Variants in TCEA1 observed in about 807,000 individuals in gnomAD.
The protein encoded by TCEA1 is transcription elongation factor A1.
TCEA1 carries 21 observed loss-of-function variants against 43.8 expected under a neutral mutation model. The ratio of observed to expected loss-of-function variants is 0.48; its 90% CI spans 0.34 to 0.69. The LOEUF is 0.69. Among genes scored for constraint, TCEA1 ranks in the 30% least tolerant of loss-of-function variants. The probability of loss-of-function intolerance (pLI) is 0.01; values close to 1 mark genes in which losing one functional copy is unlikely to be tolerated. For synonymous variants in TCEA1, 104 were observed against 117.5 expected (o/e 0.88, Z 0.75); for missense variants, 250 against 365.1 (o/e 0.68, Z 2.57).
chr8:53,968,099 C>T lies in TCEA1; in HGVS notation c.*5G>A, dbSNP rs934471394. 3 of 1,526,082 alleles carry T rather than the reference C, an allele frequency of 2.0e-6. No individual in the cohort carries two copies. The Admixed American group carries it at 5.9e-5, about 30-fold the overall frequency. 94.5% of individuals were successfully genotyped at this position (1,526,082 alleles called of 1,614,324 possible). A position where few individuals can be genotyped will look rare whatever the true frequency, so the allele number is the denominator to read the frequency against. On this transcript the variant is annotated 3_prime_UTR_variant, in exon 10 of 10. Coordinates refer to ENST00000521604, the MANE Select transcript of TCEA1 (RefSeq NM_006756.4). The stretch of plus-strand genomic sequence containing the variant: ...TGGTCCAGATATTTTGCCAATTCTT[C>T]CAACTCAACAGAACTGTCAAAAAAG...
intron 4 of TCEA1, among the ~76,000 whole-genome samples, chr8:53,989,304 TC>T (rs1335832638): frequency 6.6e-6 from 1 of 152,206 alleles, no homozygotes; most frequent in African/African-American, 2.4e-5. Context: ...TAAAATGGGT[TC>T]TTTCCAAAAT....
chr8:53,973,255 T>C (rs1171307413), intron 8 of TCEA1: 11 of 479,536 alleles, frequency 2.3e-5, no homozygotes, highest in Non-Finnish European at 3.9e-5. Context: ...AAGAAAATGA[T>C]ATGGAAATGG....
chr8:53,989,991 T>C (rs1243952352), intron 4 of TCEA1, among the ~76,000 whole-genome samples: 1 of 151,754 alleles, frequency 6.6e-6, no homozygotes, highest in African/African-American at 2.4e-5. Context: ...ATCCCAGGAG[T>C]TCAAGAACAG....
chr8:53,972,593 T>G (rs1803191222), intron 8 of TCEA1: 1 of 566,256 alleles, frequency 1.8e-6, no homozygotes, highest in African/African-American at 1.9e-5. Context: ...AAGGAGGTGT[T>G]ATATTTCCTG....
At chr8:54,007,775 G>C (rs1804521458) in intron 2 of TCEA1, among the ~76,000 whole-genome samples, 1 of 152,014 alleles carries the variant, frequency 6.6e-6, no homozygotes, top group Non-Finnish European at 1.5e-5. Flanking sequence ...ATCAAAGAAA[G>C]CACTTGTGGA....
chr8:53,995,942 T>C (rs942831594), intron 3 of TCEA1, among the ~76,000 whole-genome samples: 2 of 152,350 alleles, frequency 1.3e-5, no homozygotes, highest in Admixed American at 6.5e-5. Context: ...TGCTCCTTGT[T>C]ATTCTCAATA....
chr8:54,010,542 G>C, intron 1 of TCEA1, 50 bp from the exon 2 acceptor site: 1 of 1,433,090 alleles, frequency 7.0e-7, no homozygotes. Flanking sequence ...GTAAAACAGG[G>C]ACTAGCCAGA....
At chr8:53,986,500 A>T (rs1439573045) in intron 6 of TCEA1, among the ~76,000 whole-genome samples, 1 of 152,220 alleles carries the variant, frequency 6.6e-6, no homozygotes, top group East Asian at 1.9e-4. Context: ...TAGGTTTTCA[A>T]ATTGCCAACG....
chr8:53,993,539 C>T, intron 4 of TCEA1, 129 bp downstream of exon 4: 1 of 663,222 alleles, frequency 1.5e-6, no homozygotes, highest in Non-Finnish European at 2.6e-6. Context: ...TGGCTACATA[C>T]ATTTACTACT....
chr8:53,994,060 A>G (rs1803967944), intron 3 of TCEA1, among the ~76,000 whole-genome samples: 1 of 152,260 alleles, frequency 6.6e-6, no homozygotes, highest in Non-Finnish European at 1.5e-5. Context: ...TACTTTAAAA[A>G]TGAAAGCACA....
intron 4 of TCEA1, among the ~76,000 whole-genome samples, chr8:53,991,245 T>C (rs373554627): frequency 6.7e-6 from 1 of 149,436 alleles, no homozygotes; most frequent in South Asian, 2.1e-4. Flanking sequence ...GTACAAAAAT[T>C]AGCTGGGTGT....
At chr8:54,018,174 A>G (rs971676137) in intron 1 of TCEA1, among the ~76,000 whole-genome samples, 3 of 152,172 alleles carry the variant, frequency 2.0e-5, no homozygotes, top group African/African-American at 7.2e-5. Flanking sequence ...ATGTAAATCA[A>G]TATTTCAGGT....
Position 53,967,634 on chromosome 8 carries a change from T to A in TCEA1, c.*470A>T, listed in dbSNP as rs1803023661. 1 of 203,138 alleles carries A rather than the reference T, an allele frequency of 4.9e-6. No homozygotes were observed. Among genetic ancestry groups the A allele is most frequent in the East Asian group, 7.9e-5 (1 of 12,710 alleles). The allele number at this position is 203,138 out of a possible 1,614,324, so 12.6% of individuals were successfully genotyped here. On this transcript the variant is annotated 3_prime_UTR_variant, in exon 10 of 10. Coordinates refer to ENST00000521604, the MANE Select transcript of TCEA1 (RefSeq NM_006756.4). ...TTTAGATAAGCTGGTCAAGTATTAT[T>A]TGAATACACACCATATTTGGTAAAC... is the stretch of plus-strand genomic sequence containing the variant.
At chr8:54,000,927 T>C (rs1318941884) in intron 2 of TCEA1, among the ~76,000 whole-genome samples, 13 of 151,914 alleles carry the variant, frequency 8.6e-5, no homozygotes, top group Admixed American at 8.5e-4. Context: ...GCCCGGCTGA[T>C]TTGTGTATTT....
At chr8:54,015,272 C>T (rs1052986297) in intron 1 of TCEA1, among the ~76,000 whole-genome samples, 4 of 151,712 alleles carry the variant, frequency 2.6e-5, no homozygotes, top group Admixed American at 6.6e-5. Flanking sequence ...TGGGTTCAAG[C>T]GATTATCCTG....
At chr8:53,987,093 A>AT (rs1803712416) in intron 5 of TCEA1, 68 bp from the exon 6 acceptor site, 1 of 1,229,456 alleles carries the variant, frequency 8.1e-7, no homozygotes, top group African/African-American at 1.5e-5. Flanking sequence ...ATACCAGGTA[A>AT]TTAAACTGCA....
rs754205500 is a variant in TCEA1 at position 53,988,132 on chromosome 8, C to A, written c.448G>T (p.Ala150Ser). The A allele has an allele frequency of 1.2e-6, 2 of 1,611,690 alleles. No homozygotes were observed. Among genetic ancestry groups the A allele is most frequent in the South Asian group, 2.2e-5 (2 of 90,782 alleles). Reference protein sequence around the residue: ...VRLKCREMLAAALRTGDDYIA... With the variant: ...VRLKCREMLASALRTGDDYIA... ...GACTTACCCCCTGTTCGAAGAGCTG[C>A]AGCAAGCATCTCCCTACACTTCAAC... The change falls in exon 5 of 10, where the codon GCA (alanine) becomes TCA (serine). Residue 150 changes from alanine to serine, a missense_variant. Ala to Ser is a moderately conservative substitution (Grantham distance 99). Coordinates refer to ENST00000521604, the MANE Select transcript of TCEA1 (RefSeq NM_006756.4).
chr8:53,992,914 T>C (rs1001400276), intron 4 of TCEA1, among the ~76,000 whole-genome samples: 1 of 151,988 alleles, frequency 6.6e-6, no homozygotes, highest in Non-Finnish European at 1.5e-5. Flanking sequence ...TCTGAACTCT[T>C]TGTTAATGAA....
At chr8:54,017,940 C>T (rs1016840322) in intron 1 of TCEA1, among the ~76,000 whole-genome samples, 27 of 152,262 alleles carry the variant, frequency 1.8e-4, no homozygotes, top group African/African-American at 5.8e-4. Flanking sequence ...AGTTATACTA[C>T]TTGACTGCAT....
Sources: allele counts gnomAD v4.1 joint callset (sites outside exome capture counted in the v4.1 genomes callset), GRCh38; gene constraint gnomAD v4.1.1; transcripts MANE v1.5; gene names NCBI Gene and HGNC (gene_info 2026-07-23, HGNC 2026-07-21).